The following WDR77 variants were observed in gnomAD, a reference collection of about 807,000 sequenced individuals.
The protein encoded by WDR77 is WD repeat domain 77.
Under a neutral mutation model 44.0 loss-of-function variants are expected in WDR77, and 31 were observed. The ratio of observed to expected loss-of-function variants is 0.70; its 90% CI spans 0.53 to 0.95. The LOEUF is 0.95. WDR77 is among the 40% of genes least tolerant of loss of function. The probability of loss-of-function intolerance (pLI) is 0.00; values close to 1 mark genes in which losing one functional copy is unlikely to be tolerated. For synonymous variants in WDR77, 186 were observed against 165.7 expected (o/e 1.12, Z -0.94); for missense variants, 390 against 423.9 (o/e 0.92, Z 0.70).
chr1:111,445,835 C>A (rs1653002745), intron 4 of WDR77, among the ~76,000 whole-genome samples: 2 of 151,964 alleles, frequency 1.3e-5, no homozygotes, highest in African/African-American at 4.8e-5. Context: ...GTGGCGTGAT[C>A]TCGACTCACT....
chr1:111,442,549 T>G, intron 8 of WDR77, 104 bp downstream of exon 8: 2 of 721,212 alleles, frequency 2.8e-6, no homozygotes, highest in East Asian at 3.0e-5. Flanking sequence ...GAACACTGTC[T>G]GCTTTAAGGA....
Position 111,443,858 on chromosome 1 carries a change from C to G in WDR77, c.619+9G>C, listed in dbSNP as rs201720017. 6.2e-7 allele frequency: 1 copy of G among 1,614,070 alleles called. No homozygotes were observed. The highest frequency in any genetic ancestry group is 8.5e-7 in the Non-Finnish European group (1 of 1,179,944). The stretch of plus-strand genomic sequence containing the variant: ...GTACTATTCTCCCACCAATGAATCT[C>G]AGACTCACCAATCTGTGATGCTGGC... On this transcript the variant is annotated intron_variant, in intron 6 of 9. Coordinates refer to ENST00000235090, the MANE Select transcript of WDR77 (RefSeq NM_024102.4).
At position 111,442,092 on chromosome 1, in the gene WDR77, C is replaced by T. The variant is rs1652838504; in HGVS notation, c.802G>A (p.Val268Ile). Residue 268 changes from valine (V) to isoleucine (I), a missense_variant and splice_region_variant, in exon 9 of 10, where the codon GTT (valine) becomes ATT (isoleucine). Physicochemically the swap from Val to Ile is conservative, Grantham distance 29. Transcript: ENST00000235090. ...TCACTGAGAGAGGCCAGGAAGGGAACACTATCAGATGGAGGAGAGGGTTGT... is the reference window on the plus strand; with the variant it reads ...TCACTGAGAGAGGCCAGGAAGGGAATACTATCAGATGGAGGAGAGGGTTGT... ...VTGLVFSPHS[V>I]PFLASLSEDC... 3 of 1,614,034 alleles carry T rather than the reference C, an allele frequency of 1.9e-6. No individual in the cohort carries two copies. In the South Asian group the frequency reaches 3.3e-5, roughly 18 times the overall value.
At position 111,442,088 on chromosome 1, in the gene WDR77, G is replaced by C; in HGVS notation, c.806C>G (p.Pro269Arg). ...GTCTTCACTGAGAGAGGCCAGGAAG[G>C]GAACACTATCAGATGGAGGAGAGGG... ...TGLVFSPHSV[P>R]FLASLSEDCS... is the part of the protein sequence containing the mutation. The change falls in exon 9 of 10, where the codon CCC becomes CGC. Residue 269 changes from proline to arginine, a missense_variant. Physicochemically the swap from Pro to Arg is moderately radical, Grantham distance 103 (BLOSUM62 -2). Transcript: ENST00000235090. 2 of 1,614,046 alleles carry C rather than the reference G, an allele frequency of 1.2e-6. No homozygotes were observed. The highest frequency in any genetic ancestry group is 1.7e-6 in the Non-Finnish European group (2 of 1,179,924).
At chr1:111,442,201 T>G in intron 8 of WDR77, 108 bp from the exon 9 acceptor site, 1 of 1,044,592 alleles carries the variant, frequency 9.6e-7, no homozygotes, top group Non-Finnish European at 1.5e-6. Context: ...AGAGGCAGCC[T>G]GATTCCCACT....
At position 111,442,662 on chromosome 1, in the gene WDR77, G is replaced by T; in HGVS notation, c.791C>A (p.Ser264Tyr). Residue 264 changes from serine (S) to tyrosine (Y), a missense_variant, in exon 8 of 10, where the codon TCC becomes TAC. By Grantham distance (144) the Ser-to-Tyr change is moderately radical. Coordinates refer to ENST00000235090, the MANE Select transcript of WDR77 (RefSeq NM_024102.4). ...HSQCVTGLVF[S>Y]PHSVPFLASL... The stretch of plus-strand genomic sequence containing the variant: ...TGACAAAGAACAGTACCTGTGTGGG[G>T]AGAACACCAGCCCAGTGACACACTG... 6.4e-7 allele frequency: 1 copy of T among 1,574,714 alleles called. No homozygotes were observed. Among genetic ancestry groups the T allele is most frequent in the South Asian group, 1.2e-5 (1 of 84,992 alleles).
At position 111,447,417 on chromosome 1, in the gene WDR77, A is replaced by G; in HGVS notation, c.443+18T>C. 1.2e-6 allele frequency: 2 copies of G among 1,613,940 alleles called. No homozygotes were observed. Among genetic ancestry groups the G allele is most frequent in the Non-Finnish European group, 1.7e-6 (2 of 1,179,904 alleles). On this transcript the variant is annotated intron_variant, in intron 3 of 9. Transcript: ENST00000235090. Reference sequence around the variant, plus strand: ...CACAGGAGGCTTAGAGACAGGAGCAATGAGAACAGGGACCCACCAGATGTC... The same window carrying G: ...CACAGGAGGCTTAGAGACAGGAGCAGTGAGAACAGGGACCCACCAGATGTC...
Position 111,448,877 on chromosome 1 carries a change from G to A in WDR77, c.116-73C>T, listed in dbSNP as rs555349538. On this transcript the variant is annotated intron_variant, in intron 1 of 9. Coordinates refer to ENST00000235090, the MANE Select transcript of WDR77 (RefSeq NM_024102.4). Reference sequence around the variant, plus strand: ...CTCCATGGAGACCGCACAGAACAGCGTTCCGGCCGGGTCTGGATCTGAGCT... The same window carrying A: ...CTCCATGGAGACCGCACAGAACAGCATTCCGGCCGGGTCTGGATCTGAGCT... The A allele has an allele frequency of 1.9e-6, 3 of 1,547,046 alleles. No individual in the cohort carries two copies. In the South Asian group the frequency reaches 3.6e-5, roughly 18 times the overall value.
intron 4 of WDR77, among the ~76,000 whole-genome samples, chr1:111,445,761 A>G (rs55799632): frequency 0.2 from 30,635 of 152,172 alleles, 3,703 homozygotes; most frequent in Non-Finnish European, 0.28. Context: ...TATAATAGAC[A>G]TAGAACATTG....
intron 7 of WDR77, 82 bp from the exon 8 acceptor site, chr1:111,442,843 T>C (rs1380706559): frequency 1.0e-6 from 1 of 987,370 alleles, no homozygotes; most frequent in Non-Finnish European, 1.4e-6. Context: ...TCCTCGAGCT[T>C]GTAAAAGTTA....
In WDR77 at chr1:111,448,729, G is replaced by C. The variant is rs374674543; in HGVS notation, c.191C>G (p.Pro64Arg). The change falls in exon 2 of 10, where the codon CCC becomes CGC. Residue 64 changes from proline (P) to arginine (R), a missense_variant. Coordinates refer to ENST00000235090, the MANE Select transcript of WDR77 (RefSeq NM_024102.4). ...GAAGCCTTCGTTGGGGGCGGCACAGGGGTCCTTAAAAAGCCAGAGGGAGCC... is the reference window on the plus strand; with the variant it reads ...GAAGCCTTCGTTGGGGGCGGCACAGCGGTCCTTAAAAAGCCAGAGGGAGCC... Reference protein sequence around the residue: ...WAGSLWLFKDPCAAPNEGFCS... With the variant: ...WAGSLWLFKDRCAAPNEGFCS... 6.2e-7 allele frequency: 1 copy of C among 1,613,874 alleles called. No individual in the cohort carries two copies. The highest frequency in any genetic ancestry group is 8.5e-7 in the Non-Finnish European group (1 of 1,179,856).
In WDR77 at chr1:111,443,302, A is replaced by G. The variant is rs1193049116; in HGVS notation, c.691+21T>C. 3 of 1,550,148 alleles carry G rather than the reference A, an allele frequency of 1.9e-6. No homozygotes were observed. The African/African-American group carries it at 4.1e-5, about 21-fold the overall frequency. On this transcript the variant is annotated intron_variant, in intron 7 of 9. Transcript: ENST00000235090. ...CCTCCCCTTTCCCAGAGTCAATATG[A>G]AGTCTGACACGCTGCCTTACCAAAG... is the stretch of plus-strand genomic sequence containing the variant.
intron 4 of WDR77, chr1:111,446,877 C>G: frequency 1.8e-6 from 1 of 549,378 alleles, no homozygotes. Context: ...ATTCTTTCCT[C>G]CCTTTTCACT....
Position 111,449,021 on chromosome 1 carries a change from T to A in WDR77, c.115+34A>T, listed in dbSNP as rs1285476160. 3.9e-6 allele frequency: 6 copies of A among 1,552,976 alleles called. No homozygotes were observed. In the South Asian group the frequency reaches 7.1e-5, roughly 18 times the overall value. On this transcript the variant is annotated intron_variant, in intron 1 of 9. Coordinates refer to ENST00000235090, the MANE Select transcript of WDR77 (RefSeq NM_024102.4). ...CGGGGAGGGGCGCCCTGGGCCGGGG[T>A]AAGGGAGCTCCCAGGCCCGGGATCT...
chr1:111,447,818 G>C (rs1305661800), intron 2 of WDR77, among the ~76,000 whole-genome samples: 1 of 152,196 alleles, frequency 6.6e-6, no homozygotes, highest in Non-Finnish European at 1.5e-5. Flanking sequence ...AAAAGACAAA[G>C]ATGGAACAGT....
intron 1 of WDR77, 37 bp downstream of exon 1, chr1:111,449,018 G>A (rs1244835537): frequency 1.3e-6 from 2 of 1,552,984 alleles, no homozygotes; most frequent in Non-Finnish European, 1.7e-6. Flanking sequence ...CCCTGGGCCG[G>A]GGTAAGGGAG....
chr1:111,449,005 G>A (rs1476910594), intron 1 of WDR77, 50 bp downstream of exon 1: 1 of 1,545,792 alleles, frequency 6.5e-7, no homozygotes, highest in East Asian at 2.4e-5. Flanking sequence ...CCGGGGAGGG[G>A]CGCCCTGGGC....
At position 111,441,080 on chromosome 1, in the gene WDR77, C is replaced by A; in HGVS notation, c.*150G>T. 1 of 846,364 alleles carries A rather than the reference C, an allele frequency of 1.2e-6. No homozygotes were observed. 52.4% of individuals were successfully genotyped at this position (846,364 alleles called of 1,614,324 possible). A position where few individuals can be genotyped will look rare whatever the true frequency, so the allele number is the denominator to read the frequency against. On this transcript the variant is annotated 3_prime_UTR_variant, in exon 10 of 10. Coordinates refer to ENST00000235090, the MANE Select transcript of WDR77 (RefSeq NM_024102.4). ...TGACTACAGGAACCCAGAATCCAGC[C>A]TCCCTCAGGCTGAGAGACGATGCCT...
At chr1:111,445,406 A>G (rs1652982718) in intron 4 of WDR77, among the ~76,000 whole-genome samples, 1 of 152,190 alleles carries the variant, frequency 6.6e-6, no homozygotes, top group Non-Finnish European at 1.5e-5. Flanking sequence ...GAAAAAAGCA[A>G]AGCTCTGGGA....
Sources: allele counts gnomAD v4.1 joint callset (sites outside exome capture counted in the v4.1 genomes callset), GRCh38; gene constraint gnomAD v4.1.1; transcripts MANE v1.5; gene names NCBI Gene and HGNC (gene_info 2026-07-23, HGNC 2026-07-21).